The following HS3ST6 variants were observed in gnomAD, a reference collection of about 807,000 sequenced individuals.
HS3ST6 encodes the protein heparan sulfate glucosamine 3-O-sulfotransferase 6.
Under a neutral mutation model 11.0 loss-of-function variants are expected in HS3ST6, and 13 were observed. The observed-to-expected ratio is 1.18, with a 90% CI of 0.77 to 1.88. HS3ST6 has a LOEUF of 1.88. Among genes scored for constraint, HS3ST6 ranks in the 40% most tolerant of loss-of-function variants. The probability of loss-of-function intolerance (pLI) is 0.00; values close to 1 mark genes in which losing one functional copy is unlikely to be tolerated. For missense variants in HS3ST6, 541 were observed against 494.4 expected, an observed-to-expected ratio of 1.09 and a Z score of -0.89; for synonymous variants, 232 against 230.6, an observed-to-expected ratio of 1.01 and a Z score of -0.06.
intron 1 of HS3ST6, among the ~76,000 whole-genome samples, chr16:1,914,558 C>T (rs2082913587): frequency 6.6e-6 from 1 of 152,188 alleles, no homozygotes; most frequent in Non-Finnish European, 1.5e-5. Flanking sequence ...GACCAGGAGC[C>T]CACCCCTTTC....
In HS3ST6 at chr16:1,911,847, C is replaced by T. The variant is rs3751827; in HGVS notation, c.772G>A (p.Gly258Arg). The part of the protein sequence containing the change: ...SGERLVSDPA[G>R]EVGRVQDFLG... ...AAGTCCTGCACGCGGCCGACCTCTC[C>T]GGCCGGGTCGCTGACCAGACGCTCC... is the stretch of plus-strand genomic sequence containing the variant. Residue 258 changes from glycine to arginine, a missense_variant, in exon 2 of 2, where the codon GGA becomes AGA. By Grantham distance (125) the Gly-to-Arg change is moderately radical. Coordinates refer to ENST00000454677, the MANE Select transcript of HS3ST6 (RefSeq NM_001009606.4). The T allele has an allele frequency of 2.0e-5, 33 of 1,610,798 alleles. No homozygotes were observed. The East Asian group carries it at 6.7e-4, about 33-fold the overall frequency.
At position 1,912,013 on chromosome 16, in the gene HS3ST6, G is replaced by C. The variant is rs1002421731; in HGVS notation, c.606C>G (p.Pro202=). ...GGCGGAAGGCCAGGGCGCGGAAGCT[G>C]GGCAGGCCCGGGGTCTTGGAGAGCG... ...AQTLSKTPGL[P]SFRALAFRHG... is the part of the protein sequence containing the mutation. Residue 202 remains proline, a synonymous_variant, in exon 2 of 2, where the codon CCC becomes CCG. Coordinates refer to ENST00000454677, the MANE Select transcript of HS3ST6 (RefSeq NM_001009606.4). The surrounding 1 kb of genome is among the most constrained non-coding windows in gnomAD (Gnocchi z 5.6). 6.5e-6 allele frequency: 10 copies of C among 1,529,456 alleles called. No homozygotes were observed. The highest frequency in any genetic ancestry group is 7.9e-6 in the Non-Finnish European group (9 of 1,139,526). 94.7% of individuals were successfully genotyped at this position (1,529,456 alleles called of 1,614,324 possible).
Position 1,912,281 on chromosome 16 carries a change from G to GCCCCCTTATGCCCGGT in HS3ST6, c.414-77_414-76insACCGGGCATAAGGGGG, listed in dbSNP as rs1160999036. The GCCCCCTTATGCCCGGT allele has an allele frequency of 8.1e-6, 10 of 1,229,016 alleles. No homozygotes were observed. Among genetic ancestry groups the GCCCCCTTATGCCCGGT allele is most frequent in the Non-Finnish European group, 9.3e-6 (9 of 969,314 alleles). 76.1% of individuals were successfully genotyped at this position (1,229,016 alleles called of 1,614,324 possible). The stretch of plus-strand genomic sequence containing the variant: ...CGGCCCCCAGGGGCCCGGGACCAAG[G>GCCCCCTTATGCCCGGT]CCCCCTTATGCCCGGGAAGCCCAGG... On this transcript the variant is annotated intron_variant, in intron 1 of 1. Transcript: ENST00000454677. The surrounding 1 kb of genome is among the most constrained non-coding windows in gnomAD (Gnocchi z 5.6).
Position 1,918,287 on chromosome 16 carries a change from C to T in HS3ST6, c.37G>A (p.Gly13Ser), listed in dbSNP as rs1391542917. The T allele has an allele frequency of 7.1e-6, 6 of 849,738 alleles. No individual in the cohort carries two copies. The highest frequency in any genetic ancestry group is 3.7e-5 in the African/African-American group (2 of 53,974). 52.6% of individuals were successfully genotyped at this position (849,738 alleles called of 1,614,324 possible). ...TGCCCGGCCCCTGCGCCCTGGCCGC[C>T]CCCGGCCCCGCCGCCCAGGCCGCCG... ...GSGGLGGGAG[G>S]GQGAGAGQGA... is the part of the protein sequence containing the mutation. The change falls in exon 1 of 2, where the codon GGC (glycine) becomes AGC (serine). Residue 13 changes from glycine to serine, a missense_variant. Gly to Ser is a moderately conservative substitution (Grantham distance 56, BLOSUM62 0). Transcript: ENST00000454677. The surrounding 1 kb of genome is among the most constrained non-coding windows in gnomAD (Gnocchi z 6.0).
rs1213455626 is a variant in HS3ST6, at chr16:1,912,359, G to A, written c.414-154C>T. On this transcript the variant is annotated intron_variant, in intron 1 of 1. Transcript: ENST00000454677. This position sits in a 1 kb window ranked among gnomAD's most constrained non-coding sequence, Gnocchi z 5.6. ...TGCTCGGGCCCACCCCTGCTAGCGT[G>A]CGCGGCTGGGCAGCCTGGAACATGG... Among the ~76,000 whole-genome samples, 3 of 151,558 alleles carry A rather than the reference G, an allele frequency of 2.0e-5. No homozygotes were observed. In the East Asian group the frequency reaches 5.9e-4, roughly 30 times the overall value.
chr16:1,914,234 G>A (rs2082911373), intron 1 of HS3ST6, among the ~76,000 whole-genome samples: 2 of 152,178 alleles, frequency 1.3e-5, no homozygotes, highest in Non-Finnish European at 2.9e-5. Context: ...ACCTCCTGCA[G>A]CTGGAACCCG....
In HS3ST6 at chr16:1,912,455, T is replaced by C. The variant is rs535197642; in HGVS notation, c.414-250A>G. Among the ~76,000 whole-genome samples, 4 of 152,270 alleles carry C rather than the reference T, an allele frequency of 2.6e-5. No homozygotes were observed. Among genetic ancestry groups the C allele is most frequent in the African/African-American group, 9.6e-5 (4 of 41,566 alleles). ...TCCGCCGGCCTGCCCCGCCTGCTGCTGCACTGAGGATTAGGGTGACGGTCG... is the reference window on the plus strand; with the variant it reads ...TCCGCCGGCCTGCCCCGCCTGCTGCCGCACTGAGGATTAGGGTGACGGTCG... On this transcript the variant is annotated intron_variant, in intron 1 of 1. Coordinates refer to ENST00000454677, the MANE Select transcript of HS3ST6 (RefSeq NM_001009606.4). This position sits in a 1 kb window ranked among gnomAD's most constrained non-coding sequence, Gnocchi z 5.6.
intron 1 of HS3ST6, among the ~76,000 whole-genome samples, chr16:1,914,519 C>T (rs944391938): frequency 6.6e-6 from 1 of 152,206 alleles, no homozygotes; most frequent in East Asian, 1.9e-4. Context: ...CCTCCCGTCT[C>T]GGGCATACTG....
At chr16:1,916,162 G>A (rs1184587544) in intron 1 of HS3ST6, among the ~76,000 whole-genome samples, 1 of 152,232 alleles carries the variant, frequency 6.6e-6, no homozygotes, top group Non-Finnish European at 1.5e-5. Flanking sequence ...ACGTGGCCAC[G>A]GCCCCTCGGA....
At chr16:1,917,832 A>G in intron 1 of HS3ST6, 79 bp downstream of exon 1, 2 of 1,128,594 alleles carry the variant, frequency 1.8e-6, no homozygotes, top group Non-Finnish European at 2.3e-6. Context: ...GAGGCAGGAT[A>G]TCGTGCCGCT....
rs1193895551 is a variant in HS3ST6, at chr16:1,912,996, T to G, written c.414-791A>C. 6.6e-6 allele frequency among the ~76,000 whole-genome samples: 1 copy of G among 152,166 alleles called. No homozygotes were observed. Among genetic ancestry groups the G allele is most frequent in the African/African-American group, 2.4e-5 (1 of 41,442 alleles). On this transcript the variant is annotated intron_variant, in intron 1 of 1. Transcript: ENST00000454677. This position sits in a 1 kb window ranked among gnomAD's most constrained non-coding sequence, Gnocchi z 5.6. ...TAGTAGAGACGGGGTTTCGCCATGT[T>G]GGCCAGGCTGGTCTCGAACTCCTGA...
In HS3ST6 at chr16:1,912,207, T is replaced by C. The variant is rs774817687; in HGVS notation, c.414-2A>G. The C allele has an allele frequency of 1.4e-6, 2 of 1,411,258 alleles. No homozygotes were observed. Among genetic ancestry groups the C allele is most frequent in the Non-Finnish European group, 1.8e-6 (2 of 1,081,378 alleles). The allele number at this position is 1,411,258 out of a possible 1,614,324, so 87.4% of individuals were successfully genotyped here. ...TCCAGGGTTCGGGGCATCAGACTCC[T>C]GCGGGACGGGTGCAAGGAGAGGGGG... On this transcript the variant is annotated splice_acceptor_variant, in intron 1 of 1. Transcript: ENST00000454677. LOFTEE classifies it high-confidence loss of function. The surrounding 1 kb of genome is among the most constrained non-coding windows in gnomAD (Gnocchi z 5.6).
chr16:1,917,805 G>A (rs777842330), intron 1 of HS3ST6, 106 bp downstream of exon 1: 15 of 906,620 alleles, frequency 1.7e-5, no homozygotes, highest in Non-Finnish European at 2.1e-5. Flanking sequence ...TGCCCGGAGC[G>A]CACCCCTGCT....
In HS3ST6 at chr16:1,912,402, C is replaced by A. The variant is rs562947106; in HGVS notation, c.414-197G>T. On this transcript the variant is annotated intron_variant, in intron 1 of 1. Transcript: ENST00000454677. The surrounding 1 kb of genome is among the most constrained non-coding windows in gnomAD (Gnocchi z 5.6). ...GAACATGGACTGTGAGGGTGCCCAG[C>A]CCGGCACCTGCCTGCAGCCCGGCCT... is the stretch of plus-strand genomic sequence containing the variant. Among the ~76,000 whole-genome samples the A allele has an allele frequency of 6.6e-6, 1 of 152,066 alleles. No homozygotes were observed. Among genetic ancestry groups the A allele is most frequent in the African/African-American group, 2.4e-5 (1 of 41,408 alleles).
chr16:1,920,769 C>T (rs1275601255), upstream of HS3ST6, among the ~76,000 whole-genome samples: 1 of 152,158 alleles, frequency 6.6e-6, no homozygotes, highest in Non-Finnish European at 1.5e-5. Flanking sequence ...ATCAGGCACT[C>T]GGCTGACGGT....
chr16:1,913,542 G>C (rs1010939376), intron 1 of HS3ST6, among the ~76,000 whole-genome samples: 12 of 152,326 alleles, frequency 7.9e-5, no homozygotes, highest in East Asian at 1.9e-4. Context: ...CAAACAGCTC[G>C]GAGGGAGAGC....
At chr16:1,913,345 C>T (rs960455206) in intron 1 of HS3ST6, among the ~76,000 whole-genome samples, 2 of 152,182 alleles carry the variant, frequency 1.3e-5, no homozygotes, top group African/African-American at 4.8e-5. Flanking sequence ...AGGGCACTGA[C>T]CCAGTCCCAA....
chr16:1,917,828 G>A, intron 1 of HS3ST6, 83 bp downstream of exon 1: 1 of 1,107,074 alleles, frequency 9.0e-7, no homozygotes, highest in Non-Finnish European at 1.2e-6. Flanking sequence ...CTGGGAGGCA[G>A]GATATCGTGC....
rs2082898859 is a variant in HS3ST6, at chr16:1,912,640, G to A, written c.414-435C>T. Among the ~76,000 whole-genome samples, 1 of 151,948 alleles carries A rather than the reference G, an allele frequency of 6.6e-6. No homozygotes were observed. The highest frequency in any genetic ancestry group is 2.1e-4 in the South Asian group (1 of 4,806). ...CTCATCCCAGACCAAGTACCCCGAG[G>A]CCCGCCCGCCTAGATCACTTGAGGT... On this transcript the variant is annotated intron_variant, in intron 1 of 1. Transcript: ENST00000454677. This position sits in a 1 kb window ranked among gnomAD's most constrained non-coding sequence, Gnocchi z 5.6.
Sources: gnomAD v4.1 joint callset for allele counts (sites outside exome capture counted in the v4.1 genomes callset) on GRCh38, gnomAD v4.1.1 for gene constraint, Gnocchi (gnomAD v3.1) non-coding constraint, MANE v1.5 for transcripts, NCBI Gene and HGNC (gene_info 2026-07-23, HGNC 2026-07-21) for gene names.